Variants in SDK1 observed in about 807,000 individuals in gnomAD.
SDK1 encodes protein sidekick-1.
In SDK1, 157 loss-of-function variants were observed where a neutral mutation model predicts 245.5. The observed-to-expected ratio is 0.64, with a 90% CI of 0.56 to 0.73. The LOEUF (loss-of-function observed/expected upper bound fraction) is 0.73. Ranked by LOEUF, SDK1 falls within the 30% of genes least tolerant of loss-of-function variation. SDK1 has a pLI of 0.00. For synonymous variants in SDK1, 1,647 were observed against 1,278.5 expected (o/e 1.29, Z -6.15); for missense variants, 3,583 against 3,002.3 (o/e 1.19, Z -4.52).
In SDK1 at chr7:4,049,263, C is replaced by T. The variant is rs563333075; in HGVS notation, c.2603-85C>T. 32 of 948,100 alleles carry T rather than the reference C, an allele frequency of 3.4e-5. No homozygotes were observed. In the South Asian group the frequency reaches 4.1e-4, roughly 12 times the overall value. 58.7% of individuals were successfully genotyped at this position (948,100 alleles called of 1,614,324 possible). On this transcript the variant is annotated intron_variant, in intron 17 of 44. Transcript: ENST00000404826. ...CAATAATTGCCTGTGAGCATGATGG[C>T]AGCTAAGGGTTTCCTTTCTGTCTCT... is the stretch of plus-strand genomic sequence containing the variant.
At chr7:3,612,549 G>T (rs1277686814) in intron 1 of SDK1, among the ~76,000 whole-genome samples, 2 of 152,130 alleles carry the variant, frequency 1.3e-5, no homozygotes, top group Non-Finnish European at 2.9e-5. Flanking sequence ...CAGAATAGTT[G>T]TTCACAAATG....
chr7:3,626,171 C>G (rs1054018226), intron 2 of SDK1, among the ~76,000 whole-genome samples: 1 of 151,788 alleles, frequency 6.6e-6, no homozygotes, highest in Non-Finnish European at 1.5e-5. Flanking sequence ...AACTCCTGGT[C>G]TCAAGCAGTC....
At chr7:3,759,830 T>G (rs1157068600) in intron 4 of SDK1, among the ~76,000 whole-genome samples, 2 of 152,082 alleles carry the variant, frequency 1.3e-5, no homozygotes, top group South Asian at 4.2e-4. Context: ...TGACCTCAGG[T>G]GATCCACCCA....
chr7:3,791,423 C>G (rs1037845632), intron 4 of SDK1, among the ~76,000 whole-genome samples: 3 of 152,186 alleles, frequency 2.0e-5, no homozygotes, highest in Admixed American at 1.3e-4. Flanking sequence ...ATGGTGTGAG[C>G]ATAAGGAAAG....
intron 1 of SDK1, among the ~76,000 whole-genome samples, chr7:3,348,100 C>T (rs73048643): frequency 0.1 from 15,697 of 152,174 alleles, 1,016 homozygotes; most frequent in African/African-American, 0.18. Context: ...CTAAATGTCT[C>T]TCACCTCTAA....
intron 8 of SDK1, 59 bp from the exon 9 acceptor site, chr7:3,962,598 C>G (rs1781786201): frequency 7.3e-7 from 1 of 1,378,090 alleles, no homozygotes; most frequent in Non-Finnish European, 9.9e-7. Flanking sequence ...AACAGATGTG[C>G]TTCAGTTCTC....
chr7:4,097,888 C>T (rs185059066), intron 22 of SDK1, among the ~76,000 whole-genome samples: 28 of 152,276 alleles, frequency 1.8e-4, no homozygotes, highest in Admixed American at 3.9e-4. Context: ...GGAGAGCTGT[C>T]ATTGGCCCTA....
At chr7:3,422,148 T>A (rs1372780248) in intron 1 of SDK1, among the ~76,000 whole-genome samples, 3 of 152,208 alleles carry the variant, frequency 2.0e-5, no homozygotes, top group African/African-American at 7.2e-5. Context: ...GACAATTCTG[T>A]ATCCAATTAG....
rs539817014 is a variant in SDK1, at chr7:3,764,338, C to G, written c.714-57112C>G. ...GACAAAATACCCCCCTTTTTTACAA[C>G]AAATATTTAATCATGGCCCTATTAT... On this transcript the variant is annotated intron_variant, in intron 4 of 44. Transcript: ENST00000404826. 5.9e-5 allele frequency among the ~76,000 whole-genome samples: 9 copies of G among 152,220 alleles called. No individual in the cohort carries two copies. In the East Asian group the frequency reaches 1.7e-3, roughly 29 times the overall value.
At chr7:3,969,692 C>G (rs1025037015) in intron 11 of SDK1, among the ~76,000 whole-genome samples, 1 of 152,166 alleles carries the variant, frequency 6.6e-6, no homozygotes. Flanking sequence ...AGATATTACA[C>G]AAAACTAGCT....
intron 32 of SDK1, among the ~76,000 whole-genome samples, chr7:4,171,232 C>T (rs577098934): frequency 3.3e-5 from 5 of 152,310 alleles, no homozygotes; most frequent in South Asian, 4.1e-4. Flanking sequence ...CGTCTGCCGC[C>T]GCCTCGGGTA....
At chr7:3,934,772 A>C (rs967483095) in intron 5 of SDK1, among the ~76,000 whole-genome samples, 2 of 152,220 alleles carry the variant, frequency 1.3e-5, no homozygotes, top group African/African-American at 4.8e-5. Context: ...CTGTGAGCTC[A>C]ACAAAGATGT....
chr7:3,969,220 C>T (rs200280961), intron 10 of SDK1, 37 bp from the exon 11 acceptor site: 12 of 1,522,382 alleles, frequency 7.9e-6, no homozygotes, highest in Admixed American at 1.9e-5. Context: ...TCAAGCGTTA[C>T]GACTGTAACA....
At chr7:4,043,666 C>CA (rs1185343712) in intron 17 of SDK1, among the ~76,000 whole-genome samples, 4 of 152,370 alleles carry the variant, frequency 2.6e-5, no homozygotes, top group African/African-American at 9.6e-5. Context: ...TGCAGCCACG[C>CA]AAAGGTACAG....
chr7:4,132,297 T>G, intron 27 of SDK1, 28 bp from the exon 28 acceptor site: 1 of 1,569,440 alleles, frequency 6.4e-7, no homozygotes, highest in Non-Finnish European at 8.8e-7. Context: ...TGTCTTGAGA[T>G]CTGAATCCCT....
At chr7:3,694,120 TAA>T (rs1172902881) in intron 4 of SDK1, among the ~76,000 whole-genome samples, 1 of 152,232 alleles carries the variant, frequency 6.6e-6, no homozygotes, top group African/African-American at 2.4e-5. Flanking sequence ...AGGCAAATTG[TAA>T]AAGACTAAGC....
At chr7:3,619,463 C>T (rs1302766483) in intron 2 of SDK1, among the ~76,000 whole-genome samples, 3 of 152,150 alleles carry the variant, frequency 2.0e-5, no homozygotes, top group Admixed American at 6.5e-5. Flanking sequence ...TAAAAGTAAG[C>T]CCATTAGTGA....
chr7:3,382,102 AT>A (rs1281924482), intron 1 of SDK1, among the ~76,000 whole-genome samples: 1 of 151,864 alleles, frequency 6.6e-6, no homozygotes, highest in African/African-American at 2.4e-5. Flanking sequence ...AGTTGTCCTC[AT>A]TTTATTTTTA....
At chr7:3,691,501 G>T (rs1444157129) in intron 4 of SDK1, among the ~76,000 whole-genome samples, 1 of 152,196 alleles carries the variant, frequency 6.6e-6, no homozygotes, top group Non-Finnish European at 1.5e-5. Flanking sequence ...CAAAAAGTAG[G>T]ATACTCTCTC....
Sources: allele counts gnomAD v4.1 joint callset (sites outside exome capture counted in the v4.1 genomes callset), GRCh38; gene constraint gnomAD v4.1.1; transcripts MANE v1.5; gene names NCBI Gene and HGNC (gene_info 2026-07-23, HGNC 2026-07-21).